RBFOX2: variants seen among roughly 807,000 people sequenced by gnomAD.
RBFOX2 encodes the protein RNA binding protein fox-1 homolog 2.
A neutral mutation model predicts 49.1 loss-of-function variants in RBFOX2; 10 were observed. The observed-to-expected ratio is 0.20, with a 90% CI of 0.13 to 0.35. RBFOX2 has a LOEUF of 0.35. Ranked by LOEUF, RBFOX2 falls within the 10% of genes least tolerant of loss-of-function variation. RBFOX2 has a pLI of 1.00. For synonymous variants in RBFOX2, 183 were observed against 187.4 expected, an observed-to-expected ratio of 0.98 and a Z score of 0.19; for missense variants, 323 against 486.9, an observed-to-expected ratio of 0.66 and a Z score of 3.17.
At chr22:35,920,508 A>C (rs1273160060) in intron 1 of RBFOX2, among the ~76,000 whole-genome samples, 1 of 152,114 alleles carries the variant, frequency 6.6e-6, no homozygotes, top group Admixed American at 6.5e-5. Context: ...TTTAACCTCA[A>C]ACATGTTTAG....
intron 1 of RBFOX2, among the ~76,000 whole-genome samples, chr22:35,934,325 T>C (rs1199836581): frequency 6.6e-6 from 1 of 152,166 alleles, no homozygotes; most frequent in Non-Finnish European, 1.5e-5. Flanking sequence ...AAAAATGCTC[T>C]ATATTAAAAT....
chr22:35,830,371 A>G (rs1956549241), intron 1 of RBFOX2, among the ~76,000 whole-genome samples: 1 of 152,252 alleles, frequency 6.6e-6, no homozygotes. Flanking sequence ...AAGTAGGTGA[A>G]GTCTAAGCTG....
chr22:35,935,994 A>T (rs997342161), intron 1 of RBFOX2, among the ~76,000 whole-genome samples: 5 of 152,160 alleles, frequency 3.3e-5, no homozygotes, highest in African/African-American at 9.7e-5. Context: ...TCAGCCACTG[A>T]TAAGAATCTT....
chr22:35,808,534 A>C (rs1951189547), intron 2 of RBFOX2, among the ~76,000 whole-genome samples: 1 of 152,216 alleles, frequency 6.6e-6, no homozygotes, highest in Non-Finnish European at 1.5e-5. Flanking sequence ...CAGACTGTAG[A>C]ACATTTCTAT....
intron 1 of RBFOX2, among the ~76,000 whole-genome samples, chr22:35,929,785 C>T (rs2052137501): frequency 1.3e-5 from 2 of 151,954 alleles, no homozygotes; most frequent in East Asian, 1.9e-4. Flanking sequence ...GTGTCCAGCA[C>T]AAAAGAGGCA....
intron 1 of RBFOX2, among the ~76,000 whole-genome samples, chr22:35,871,215 C>T (rs1374578069): frequency 6.6e-6 from 1 of 152,154 alleles, no homozygotes; most frequent in Non-Finnish European, 1.5e-5. Flanking sequence ...TTTCCAAGAC[C>T]TATGCTCTAA....
chr22:35,941,310 T>C (rs780798760), upstream of RBFOX2, among the ~76,000 whole-genome samples: 5 of 152,098 alleles, frequency 3.3e-5, no homozygotes, highest in Non-Finnish European at 7.4e-5. Context: ...AACCCCCCAG[T>C]TATTAAGCAC....
At chr22:35,790,791 A>T (rs1437001173) in intron 2 of RBFOX2, among the ~76,000 whole-genome samples, 2 of 152,118 alleles carry the variant, frequency 1.3e-5, no homozygotes, top group Non-Finnish European at 2.9e-5. Flanking sequence ...GCACTCTAGG[A>T]GGCCCAGGAG....
At chr22:35,822,836 T>A (rs771694103) in intron 1 of RBFOX2, 20 of 439,262 alleles carry the variant, frequency 4.6e-5, no homozygotes, top group Admixed American at 5.3e-5. Context: ...TCTTTTTTTT[T>A]TTTTTTGAGA....
chr22:35,970,026 A>G (rs933553066), intron 1 of RBFOX2, among the ~76,000 whole-genome samples: 2 of 152,244 alleles, frequency 1.3e-5, no homozygotes, highest in African/African-American at 4.8e-5. Context: ...CGAAAAACAA[A>G]CAACATCTTA....
At chr22:35,944,411 G>C (rs1023646942) in intron 1 of RBFOX2, among the ~76,000 whole-genome samples, 3 of 152,206 alleles carry the variant, frequency 2.0e-5, no homozygotes, top group Non-Finnish European at 4.4e-5. Flanking sequence ...TTCCCAGAAA[G>C]AATACTGGCA....
At chr22:35,967,124 CT>C (rs1793759353) in intron 1 of RBFOX2, among the ~76,000 whole-genome samples, 1 of 152,148 alleles carries the variant, frequency 6.6e-6, no homozygotes, top group Non-Finnish European at 1.5e-5. Flanking sequence ...CCACATCTAG[CT>C]TTACTTTCTT....
At chr22:35,787,467 C>G (rs1228998961) in intron 2 of RBFOX2, among the ~76,000 whole-genome samples, 1 of 152,130 alleles carries the variant, frequency 6.6e-6, no homozygotes, top group East Asian at 1.9e-4. Context: ...AACTACTAAA[C>G]TGATACAGGG....
At chr22:35,775,841 C>CAAAAAAAAAAAAAAAAAAAAAAAAAAA (rs753116056) in intron 4 of RBFOX2, among the ~76,000 whole-genome samples, 7 of 56,142 alleles carry the variant, frequency 1.2e-4, no homozygotes, top group African/African-American at 2.8e-4. Context: ...GAATCTGCCT[C>CAAAAAAAAAAAAAAAAAAAAAAAAAAA]AAAAAAAAAA....
chr22:35,950,583 T>C (rs530390540), intron 1 of RBFOX2, among the ~76,000 whole-genome samples: 57 of 152,264 alleles, frequency 3.7e-4, no homozygotes, highest in African/African-American at 1.3e-3. Context: ...CCAAGTATCC[T>C]AGAGGGTAGT....
intron 1 of RBFOX2, among the ~76,000 whole-genome samples, chr22:35,907,178 A>G (rs2049217139): frequency 2.0e-5 from 3 of 152,142 alleles, no homozygotes; most frequent in Non-Finnish European, 4.4e-5. Flanking sequence ...TTCCTTAGTA[A>G]CAAAACCCCA....
chr22:35,806,964 C>T (rs898406543), intron 2 of RBFOX2, among the ~76,000 whole-genome samples: 5 of 152,062 alleles, frequency 3.3e-5, no homozygotes, highest in Admixed American at 2.6e-4. Flanking sequence ...CCACCACGCC[C>T]GGCTAATTTT....
chr22:35,944,685 A>C (rs1196181200), intron 1 of RBFOX2, among the ~76,000 whole-genome samples: 1 of 152,228 alleles, frequency 6.6e-6, no homozygotes, highest in Non-Finnish European at 1.5e-5. Context: ...GCTGCCAATC[A>C]AAGTATTTCT....
intron 9 of RBFOX2, chr22:35,747,366 T>C (rs1174683367): frequency 1.3e-5 from 2 of 152,240 alleles, no homozygotes; most frequent in Non-Finnish European, 2.9e-5. Context: ...GCATTTTCCT[T>C]CCCTAAAAGG....
Sources: gnomAD v4.1 joint callset for allele counts (sites outside exome capture counted in the v4.1 genomes callset) on GRCh38, gnomAD v4.1.1 for gene constraint, MANE v1.5 for transcripts, NCBI Gene and HGNC (gene_info 2026-07-23, HGNC 2026-07-21) for gene names.